CNTN5: variants seen among roughly 807,000 people sequenced by gnomAD.
CNTN5 encodes the protein contactin-5.
A neutral mutation model predicts 129.1 loss-of-function variants in CNTN5; 77 were observed. The observed-to-expected ratio is 0.60, with a 90% CI of 0.50 to 0.72. The LOEUF is 0.72. Ranked by LOEUF, CNTN5 falls within the 30% of genes least tolerant of loss-of-function variation. CNTN5 has a pLI of 0.00. For synonymous variants in CNTN5, 509 were observed against 465.6 expected (o/e 1.09, Z -1.20); for missense variants, 1,478 against 1,328.8 (o/e 1.11, Z -1.75).
intron 13 of CNTN5, among the ~76,000 whole-genome samples, chr11:100,109,065 G>A (rs191690995): frequency 2.0e-5 from 3 of 152,190 alleles, no homozygotes; most frequent in Admixed American, 2.0e-4. Context: ...GTGTTTGCCT[G>A]TCATCACTAA....
chr11:99,533,257 C>T (rs1454285819), intron 2 of CNTN5, among the ~76,000 whole-genome samples: 2 of 152,144 alleles, frequency 1.3e-5, no homozygotes, highest in Non-Finnish European at 2.9e-5. Context: ...ATGACAACAA[C>T]AAGAACAAAA....
intron 2 of CNTN5, among the ~76,000 whole-genome samples, chr11:99,376,435 G>T (rs1387369286): frequency 1.3e-5 from 2 of 152,202 alleles, no homozygotes; most frequent in Non-Finnish European, 2.9e-5. Flanking sequence ...TCTCTTGGTA[G>T]TGGGAGGTAA....
chr11:100,029,744 G>C (rs1941612255), intron 9 of CNTN5, among the ~76,000 whole-genome samples: 1 of 151,898 alleles, frequency 6.6e-6, no homozygotes, highest in Admixed American at 6.6e-5. Context: ...CGTACCCCTA[G>C]CTTTTGTAAT....
intron 6 of CNTN5, among the ~76,000 whole-genome samples, chr11:99,914,267 G>A (rs929483181): frequency 7.9e-5 from 12 of 152,096 alleles, no homozygotes; most frequent in Admixed American, 6.6e-4. Flanking sequence ...CACAACCACT[G>A]CCTAACTATC....
At chr11:99,898,778 G>A (rs1351196814) in intron 6 of CNTN5, among the ~76,000 whole-genome samples, 1 of 151,568 alleles carries the variant, frequency 6.6e-6, no homozygotes, top group Admixed American at 6.6e-5. Context: ...GATTCTCTGA[G>A]TTTAGCAGAT....
At chr11:99,539,269 G>A (rs936315050) in intron 2 of CNTN5, among the ~76,000 whole-genome samples, 3 of 152,122 alleles carry the variant, frequency 2.0e-5, no homozygotes, top group African/African-American at 7.2e-5. Context: ...TTTATGACAT[G>A]ATTTTTACTA....
chr11:100,320,191 C>G (rs1951660499), intron 21 of CNTN5, among the ~76,000 whole-genome samples: 1 of 151,760 alleles, frequency 6.6e-6, no homozygotes, highest in African/African-American at 2.4e-5. Context: ...TGCAAGGGTT[C>G]CCTTTTCTCT....
At chr11:99,645,852 G>A (rs977394969) in intron 3 of CNTN5, among the ~76,000 whole-genome samples, 2 of 152,090 alleles carry the variant, frequency 1.3e-5, no homozygotes, top group Non-Finnish European at 2.9e-5. Flanking sequence ...TGTAAATGAC[G>A]GGTTGATAGG....
intron 2 of CNTN5, among the ~76,000 whole-genome samples, chr11:99,365,982 A>G (rs1939421310): frequency 6.6e-6 from 1 of 152,040 alleles, no homozygotes; most frequent in African/African-American, 2.4e-5. Context: ...GGGAAAGAGT[A>G]TTACAGAAAG....
chr11:99,968,856 A>G (rs1406785289), intron 8 of CNTN5, among the ~76,000 whole-genome samples: 1 of 151,758 alleles, frequency 6.6e-6, no homozygotes, highest in African/African-American at 2.4e-5. Flanking sequence ...ATCTCTGCTA[A>G]GGAAGCTGAA....
chr11:100,099,193 G>A (rs978191206), intron 13 of CNTN5, among the ~76,000 whole-genome samples: 1 of 151,960 alleles, frequency 6.6e-6, no homozygotes, highest in African/African-American at 2.4e-5. Flanking sequence ...CAGAGATGTC[G>A]AGCAACTGGC....
At chr11:99,883,616 C>T (rs1416414090) in intron 6 of CNTN5, among the ~76,000 whole-genome samples, 1 of 152,150 alleles carries the variant, frequency 6.6e-6, no homozygotes. Context: ...CAAAACAAAA[C>T]AGTGAAAACA....
At chr11:99,761,692 C>A (rs1037254926) in intron 3 of CNTN5, among the ~76,000 whole-genome samples, 7 of 151,694 alleles carry the variant, frequency 4.6e-5, no homozygotes, top group African/African-American at 1.7e-4. Context: ...GTTTCCAAGT[C>A]TTTGCTATTG....
intron 3 of CNTN5, among the ~76,000 whole-genome samples, chr11:99,570,470 G>T (rs1949141855): frequency 6.6e-6 from 1 of 152,178 alleles, no homozygotes; most frequent in Non-Finnish European, 1.5e-5. Flanking sequence ...CTTTGTCAAA[G>T]ATATTGTGTA....
intron 3 of CNTN5, among the ~76,000 whole-genome samples, chr11:99,666,474 A>G (rs1266104128): frequency 1.3e-5 from 2 of 152,010 alleles, no homozygotes; most frequent in Non-Finnish European, 2.9e-5. Context: ...TTGCTTTCCT[A>G]TTGCTTCTGC....
chr11:100,330,664 CTTATTT>C (rs1951888267), intron 21 of CNTN5, among the ~76,000 whole-genome samples: 1 of 149,474 alleles, frequency 6.7e-6, no homozygotes, highest in Non-Finnish European at 1.5e-5. Flanking sequence ...GAATTGGAGT[CTTATTT>C]TTAGCCTCCT....
intron 2 of CNTN5, among the ~76,000 whole-genome samples, chr11:99,480,781 T>C (rs1945566255): frequency 6.6e-6 from 1 of 152,160 alleles, no homozygotes; most frequent in African/African-American, 2.4e-5. Context: ...GGACCTGATA[T>C]GTTACAGGCC....
intron 11 of CNTN5, among the ~76,000 whole-genome samples, chr11:100,071,456 A>T (rs1179167112): frequency 6.6e-6 from 1 of 152,188 alleles, no homozygotes; most frequent in Non-Finnish European, 1.5e-5. Context: ...TAAAAACCAA[A>T]CTGAAAGTAA....
chr11:99,600,878 T>C (rs947305932), intron 3 of CNTN5, among the ~76,000 whole-genome samples: 1 of 152,202 alleles, frequency 6.6e-6, no homozygotes, highest in Admixed American at 6.5e-5. Flanking sequence ...TGGGTCCAGT[T>C]GATCATTGTT....
Sources: gnomAD v4.1 joint callset for allele counts (sites outside exome capture counted in the v4.1 genomes callset) on GRCh38, gnomAD v4.1.1 for gene constraint, MANE v1.5 for transcripts, NCBI Gene and HGNC (gene_info 2026-07-23, HGNC 2026-07-21) for gene names.